SEMA3D: variants seen among roughly 807,000 people sequenced by gnomAD.
SEMA3D encodes semaphorin 3D.
Under a neutral mutation model 100.1 loss-of-function variants are expected in SEMA3D, and 84 were observed. The ratio of observed to expected loss-of-function variants is 0.84; its 90% CI spans 0.70 to 1.01. The LOEUF (loss-of-function observed/expected upper bound fraction) is 1.01, where lower values mean the gene tolerates loss of function less well. SEMA3D is among the 50% of genes least tolerant of loss of function. SEMA3D has a pLI of 0.00. For missense variants in SEMA3D, 875 were observed against 934.1 expected (o/e 0.94, Z 0.82); for synonymous variants, 312 against 320.7 (o/e 0.97, Z 0.29).
intron 1 of SEMA3D, among the ~76,000 whole-genome samples, chr7:85,171,884 T>A (rs1791092521): frequency 6.6e-6 from 1 of 151,848 alleles, no homozygotes; most frequent in African/African-American, 2.4e-5. Flanking sequence ...CTTCTCTTGA[T>A]TTGCTCTAAC....
At chr7:85,139,013 A>C (rs563681082) in intron 2 of SEMA3D, among the ~76,000 whole-genome samples, 1 of 152,086 alleles carries the variant, frequency 6.6e-6, no homozygotes, top group East Asian at 1.9e-4. Context: ...GTCAAAGATA[A>C]ATGTATAATT....
intron 2 of SEMA3D, chr7:85,140,261 T>C: frequency 1.1e-6 from 1 of 905,156 alleles, no homozygotes; most frequent in Non-Finnish European, 1.3e-6. Flanking sequence ...TAAATAAGAC[T>C]TCTGCATTTT....
At chr7:85,173,781 G>C (rs1338558248) in intron 1 of SEMA3D, among the ~76,000 whole-genome samples, 1 of 152,164 alleles carries the variant, frequency 6.6e-6, no homozygotes, top group Non-Finnish European at 1.5e-5. Flanking sequence ...GGGACACTGA[G>C]ATGTAGAAAG....
At chr7:85,088,547 T>C (rs1788289596) in intron 4 of SEMA3D, among the ~76,000 whole-genome samples, 2 of 152,166 alleles carry the variant, frequency 1.3e-5, no homozygotes, top group Non-Finnish European at 2.9e-5. Flanking sequence ...TCACTCTGAA[T>C]GCTATATGAT....
the SEMA3D span, among the ~76,000 whole-genome samples, chr7:85,240,832 GCTGT>G: frequency 3.3e-5 from 5 of 152,168 alleles, no homozygotes; most frequent in African/African-American, 1.2e-4. Flanking sequence ...GGATTTTAAT[GCTGT>G]CTTTCTGTCA....
rs1369285259 is a variant in SEMA3D, at chr7:85,081,505, T to A, written c.375+12A>T. 1.9e-6 allele frequency: 3 copies of A among 1,573,886 alleles called. No homozygotes were observed. Among genetic ancestry groups the A allele is most frequent in the South Asian group, 1.1e-5 (1 of 90,242 alleles). On this transcript the variant is annotated intron_variant, in intron 5 of 18. Transcript: ENST00000284136. Reference sequence around the variant, plus strand: ...AGTTTTACAAAGATAATTGTTACAGTTTCATACTTACATTGGCATCTTTCC... The same window carrying A: ...AGTTTTACAAAGATAATTGTTACAGATTCATACTTACATTGGCATCTTTCC...
At chr7:85,140,168 G>A in intron 2 of SEMA3D, 1 of 462,950 alleles carries the variant, frequency 2.2e-6, no homozygotes, top group African/African-American at 2.1e-5. Context: ...AAAAAATTAA[G>A]TTTATAAGAG....
intron 8 of SEMA3D, among the ~76,000 whole-genome samples, chr7:85,060,129 C>T (rs1469349338): frequency 6.6e-6 from 1 of 152,150 alleles, no homozygotes; most frequent in Non-Finnish European, 1.5e-5. Flanking sequence ...ATTGAACTCT[C>T]TCTTAAATAT....
intron 3 of SEMA3D, among the ~76,000 whole-genome samples, chr7:85,109,132 C>G (rs1345391942): frequency 6.6e-6 from 1 of 151,798 alleles, no homozygotes; most frequent in Non-Finnish European, 1.5e-5. Flanking sequence ...TCTGTCACAA[C>G]CTCCATTTTG....
chr7:85,142,239 AC>A (rs1190864648), intron 2 of SEMA3D: 2 of 979,854 alleles, frequency 2.0e-6, no homozygotes, highest in African/African-American at 3.5e-5. Flanking sequence ...TCATCTCTCT[AC>A]CAATATAATA....
the SEMA3D span, among the ~76,000 whole-genome samples, chr7:85,248,204 C>A: frequency 1.3e-5 from 2 of 152,058 alleles, no homozygotes; most frequent in African/African-American, 4.8e-5. Context: ...ATACACAGAG[C>A]AAATAAGCTT....
intron 3 of SEMA3D, 61 bp downstream of exon 3, chr7:85,121,680 G>A: frequency 1.1e-6 from 1 of 910,836 alleles, no homozygotes; most frequent in East Asian, 3.0e-5. Flanking sequence ...AAAAAATATA[G>A]CAATCAAAAA....
intron 2 of SEMA3D, among the ~76,000 whole-genome samples, chr7:85,133,115 G>T (rs1213869354): frequency 6.6e-6 from 1 of 151,912 alleles, no homozygotes; most frequent in Non-Finnish European, 1.5e-5. Flanking sequence ...TTCCTATGTA[G>T]ATATGTTTTC....
chr7:85,080,315 A>G (rs746457384), intron 5 of SEMA3D, among the ~76,000 whole-genome samples: 5 of 152,170 alleles, frequency 3.3e-5, no homozygotes, highest in Non-Finnish European at 5.9e-5. Flanking sequence ...GAATAAATGA[A>G]TAACAAATGA....
At chr7:85,169,505 C>T (rs1791026131) in intron 1 of SEMA3D, among the ~76,000 whole-genome samples, 1 of 151,720 alleles carries the variant, frequency 6.6e-6, no homozygotes, top group Non-Finnish European at 1.5e-5. Context: ...ATTTTCATAG[C>T]TTATCAACTT....
At chr7:85,224,940 C>A in the SEMA3D span, among the ~76,000 whole-genome samples, 7 of 150,632 alleles carry the variant, frequency 4.6e-5, no homozygotes, top group Non-Finnish European at 1.5e-5. Context: ...ATCATGAAAA[C>A]AATACATTTG....
chr7:85,145,076 T>G (rs894295010), intron 2 of SEMA3D, among the ~76,000 whole-genome samples: 4 of 152,150 alleles, frequency 2.6e-5, no homozygotes, highest in African/African-American at 9.7e-5. Context: ...TGAATAGAAA[T>G]GAGAGCATCA....
intron 17 of SEMA3D, among the ~76,000 whole-genome samples, chr7:85,009,671 C>G (rs1789898095): frequency 1.3e-5 from 2 of 151,642 alleles, no homozygotes. Context: ...ATCACATAGA[C>G]CCTTTCACAA....
At chr7:85,175,611 GAA>G (rs1410410689) in intron 1 of SEMA3D, among the ~76,000 whole-genome samples, 2 of 152,268 alleles carry the variant, frequency 1.3e-5, no homozygotes, top group South Asian at 4.2e-4. Flanking sequence ...ACAGGTGATA[GAA>G]GTCAATTTCA....
Sources: gnomAD v4.1 joint callset for allele counts (sites outside exome capture counted in the v4.1 genomes callset) on GRCh38, gnomAD v4.1.1 for gene constraint, MANE v1.5 for transcripts, NCBI Gene and HGNC (gene_info 2026-07-23, HGNC 2026-07-21) for gene names.